PDE8B: variants seen among roughly 807,000 people sequenced by gnomAD.
PDE8B encodes phosphodiesterase 8B.
In PDE8B, 26 loss-of-function variants were observed where a neutral mutation model predicts 101.3. The observed-to-expected ratio is 0.26, with a 90% CI of 0.19 to 0.36. PDE8B has a LOEUF of 0.36. PDE8B is among the 10% of genes least tolerant of loss of function. PDE8B has a pLI of 1.00. For synonymous variants in PDE8B, 424 were observed against 429.3 expected (o/e 0.99, Z 0.15); for missense variants, 810 against 1,163.1 (o/e 0.70, Z 4.42).
intron 5 of PDE8B, among the ~76,000 whole-genome samples, chr5:77,336,205 C>T (rs1581112879): frequency 2.0e-5 from 3 of 151,366 alleles, no homozygotes; most frequent in African/African-American, 7.3e-5. Context: ...CCTTTTTTTT[C>T]AATTGAGATG....
At chr5:77,309,302 G>A (rs187696541) in intron 1 of PDE8B, among the ~76,000 whole-genome samples, 227 of 152,260 alleles carry the variant, frequency 1.5e-3, no homozygotes, top group African/African-American at 5.3e-3. Context: ...ATACAGGCAA[G>A]GTATTGGTTA....
chr5:77,270,298 G>A (rs956721871), intron 1 of PDE8B, among the ~76,000 whole-genome samples: 7 of 152,060 alleles, frequency 4.6e-5, no homozygotes, highest in African/African-American at 7.2e-5. Context: ...ATTTTTGTAC[G>A]TTGATTTTGT....
chr5:77,200,674 T>A, the PDE8B span, among the ~76,000 whole-genome samples: 1 of 152,330 alleles, frequency 6.6e-6, no homozygotes, highest in African/African-American at 2.4e-5. Flanking sequence ...TAAGTAGCAT[T>A]AACATCACCT....
chr5:77,285,129 G>A (rs1484025100), intron 1 of PDE8B, among the ~76,000 whole-genome samples: 1 of 152,146 alleles, frequency 6.6e-6, no homozygotes, highest in Non-Finnish European at 1.5e-5. Flanking sequence ...TTGATGAATA[G>A]AAATGTAATG....
At chr5:77,367,535 T>G (rs867468473) in intron 10 of PDE8B, among the ~76,000 whole-genome samples, 5 of 128,042 alleles carry the variant, frequency 3.9e-5, no homozygotes, top group Admixed American at 3.8e-4. Context: ...TCTCTCTTTT[T>G]TTTTTTTTTT....
chr5:77,163,869 C>A, the PDE8B span, among the ~76,000 whole-genome samples: 1 of 152,226 alleles, frequency 6.6e-6, no homozygotes, highest in South Asian at 2.1e-4. Context: ...AGTTTCTTCA[C>A]TATTTCTAGC....
At chr5:77,241,109 C>G (rs2149545132) in intron 1 of PDE8B, among the ~76,000 whole-genome samples, 1 of 152,242 alleles carries the variant, frequency 6.6e-6, no homozygotes, top group Non-Finnish European at 1.5e-5. Flanking sequence ...TTCTAGAGCA[C>G]TCACTAGTAT....
chr5:77,157,955 C>T, the PDE8B span, among the ~76,000 whole-genome samples: 1 of 151,686 alleles, frequency 6.6e-6, no homozygotes, highest in Non-Finnish European at 1.5e-5. Context: ...TTTACAGACA[C>T]TTACATACTA....
chr5:77,383,400 G>A (rs575736855), intron 10 of PDE8B, among the ~76,000 whole-genome samples: 48 of 152,298 alleles, frequency 3.2e-4, no homozygotes, highest in African/African-American at 1.1e-3. Flanking sequence ...TGTTCACTCT[G>A]ATGGTTTCTT....
At chr5:77,195,505 TG>T in the PDE8B span, among the ~76,000 whole-genome samples, 2 of 152,210 alleles carry the variant, frequency 1.3e-5, no homozygotes, top group Non-Finnish European at 1.5e-5. Flanking sequence ...GACATTTCAC[TG>T]TAGTTTTGAC....
At chr5:77,134,811 C>G in the PDE8B span, among the ~76,000 whole-genome samples, 87,371 of 152,032 alleles carry the variant, frequency 0.57, 25,285 homozygotes, top group African/African-American at 0.6. Context: ...CTCAAGACAA[C>G]TGGCGGCACT....
At chr5:77,265,444 A>G (rs955252929) in intron 1 of PDE8B, among the ~76,000 whole-genome samples, 3 of 152,166 alleles carry the variant, frequency 2.0e-5, no homozygotes, top group African/African-American at 4.8e-5. Flanking sequence ...TAGTATAACA[A>G]TTTCTGTGCT....
chr5:77,265,913 C>A (rs1050661752), intron 1 of PDE8B, among the ~76,000 whole-genome samples: 4 of 151,708 alleles, frequency 2.6e-5, no homozygotes, highest in Admixed American at 6.6e-5. Flanking sequence ...ATTTCCACAT[C>A]TTTTCTAGTG....
the PDE8B span, among the ~76,000 whole-genome samples, chr5:77,107,618 T>G: frequency 2.0e-5 from 3 of 152,156 alleles, no homozygotes; most frequent in Non-Finnish European, 4.4e-5. Flanking sequence ...GGAGAGGTAT[T>G]CAGTCTTTCC....
chr5:77,231,533 A>G (rs1286954576), intron 1 of PDE8B, among the ~76,000 whole-genome samples: 1 of 152,202 alleles, frequency 6.6e-6, no homozygotes, highest in Non-Finnish European at 1.5e-5. Context: ...GAAAGTAGGA[A>G]CGATGATAAT....
At chr5:77,327,252 A>G (rs2150248744) in intron 3 of PDE8B, among the ~76,000 whole-genome samples, 1 of 152,282 alleles carries the variant, frequency 6.6e-6, no homozygotes, top group East Asian at 1.9e-4. Flanking sequence ...TTAGCCTAAC[A>G]TGCGTCCTTG....
chr5:77,353,469 C>A, intron 10 of PDE8B, 63 bp downstream of exon 10: 1 of 886,296 alleles, frequency 1.1e-6, no homozygotes, highest in Non-Finnish European at 1.9e-6. Flanking sequence ...CTGTTCTCTG[C>A]TTATCTCACC....
intron 2 of PDE8B, among the ~76,000 whole-genome samples, chr5:77,325,093 C>A (rs115191717): frequency 0.015 from 2,211 of 152,242 alleles, 54 homozygotes; most frequent in African/African-American, 0.05. Flanking sequence ...GGGATTTGAA[C>A]CCTGGTAGCT....
Position 77,329,728 on chromosome 5 carries a change from A to C in PDE8B, c.650+671A>C, listed in dbSNP as rs1581075140. 2.0e-5 allele frequency among the ~76,000 whole-genome samples: 3 copies of C among 152,348 alleles called. No individual in the cohort carries two copies. The South Asian group carries it at 6.2e-4, about 32-fold the overall frequency. On this transcript the variant is annotated intron_variant, in intron 4 of 21. Transcript: ENST00000264917. ...GTGGTAGAAATCTTGGCAGGTAACAAAATTTGTTGTAGTCTTTTAATGGCT... is the reference window on the plus strand; with the variant it reads ...GTGGTAGAAATCTTGGCAGGTAACACAATTTGTTGTAGTCTTTTAATGGCT...
Sources: allele counts gnomAD v4.1 joint callset (sites outside exome capture counted in the v4.1 genomes callset), GRCh38; gene constraint gnomAD v4.1.1; transcripts MANE v1.5; gene names NCBI Gene and HGNC (gene_info 2026-07-23, HGNC 2026-07-21).